PCDH7: variants seen among roughly 807,000 people sequenced by gnomAD.
PCDH7 encodes protocadherin-7.
A neutral mutation model predicts 58.9 loss-of-function variants in PCDH7; 17 were observed. The observed-to-expected ratio is 0.29, with a 90% CI of 0.20 to 0.43. The LOEUF (loss-of-function observed/expected upper bound fraction) is 0.43. Among genes scored for constraint, PCDH7 ranks in the 20% least tolerant of loss-of-function variants. The pLI is 1.00. For missense variants in PCDH7, 1,274 were observed against 1,441.0 expected (o/e 0.88, Z 1.88); for synonymous variants, 664 against 616.4 (o/e 1.08, Z -1.14).
At chr4:30,916,341 A>G (rs1006034268) in intron 1 of PCDH7, among the ~76,000 whole-genome samples, 3 of 152,058 alleles carry the variant, frequency 2.0e-5, no homozygotes, top group Admixed American at 6.6e-5. Flanking sequence ...AAATGTCTTC[A>G]TTATTGGCCT....
chr4:30,999,854 G>T (rs1752214675), intron 3 of PCDH7, among the ~76,000 whole-genome samples: 2 of 152,032 alleles, frequency 1.3e-5, no homozygotes, highest in Admixed American at 6.6e-5. Context: ...ACCTAATTTA[G>T]ATTATAATTC....
intron 1 of PCDH7, among the ~76,000 whole-genome samples, chr4:30,899,897 G>A (rs1401907625): frequency 6.6e-6 from 1 of 151,874 alleles, no homozygotes; most frequent in Non-Finnish European, 1.5e-5. Context: ...CTCAATAGTA[G>A]TCATAAAAAT....
intron 3 of PCDH7, among the ~76,000 whole-genome samples, chr4:31,123,858 G>A (rs1012256909): frequency 6.6e-6 from 1 of 151,938 alleles, no homozygotes; most frequent in Non-Finnish European, 1.5e-5. Flanking sequence ...CGGAGAGGAG[G>A]ACAAACTCCT....
intron 3 of PCDH7, among the ~76,000 whole-genome samples, chr4:31,138,450 T>C (rs905750412): frequency 2.0e-5 from 3 of 152,130 alleles, no homozygotes; most frequent in Non-Finnish European, 2.9e-5. Context: ...TGGTTATGAG[T>C]AGCAGTCATT....
chr4:30,942,913 C>T (rs61795882), intron 2 of PCDH7, among the ~76,000 whole-genome samples: 3 of 142,190 alleles, frequency 2.1e-5, no homozygotes, highest in African/African-American at 5.2e-5. Context: ...TTTTTTTTTC[C>T]TGACTATGCT....
intron 1 of PCDH7, among the ~76,000 whole-genome samples, chr4:30,754,189 T>TG (rs33962437): frequency 0.021 from 3,036 of 146,898 alleles, 73 homozygotes; most frequent in African/African-American, 0.065. Flanking sequence ...TGTGTGTGTG[T>TG]TTTTTCTGGA....
At chr4:30,837,902 T>C (rs961083982) in intron 1 of PCDH7, among the ~76,000 whole-genome samples, 5 of 27,642 alleles carry the variant, frequency 1.8e-4, no homozygotes, top group Non-Finnish European at 3.2e-4. Context: ...GTATATTTTA[T>C]ATATATATAT....
At chr4:30,956,034 CAAACAAAAAAAAA>C (rs1241220618) in intron 3 of PCDH7, among the ~76,000 whole-genome samples, 1 of 136,484 alleles carries the variant, frequency 7.3e-6, no homozygotes, top group African/African-American at 2.8e-5. Flanking sequence ...AATACAAAAA[CAAACAAAAAAAAA>C]AAGCAAAAAA....
At chr4:31,064,727 C>T (rs951754483) in intron 3 of PCDH7, among the ~76,000 whole-genome samples, 1 of 151,896 alleles carries the variant, frequency 6.6e-6, no homozygotes, top group African/African-American at 2.4e-5. Flanking sequence ...CACCATCCTC[C>T]AGTATGACCT....
intron 3 of PCDH7, among the ~76,000 whole-genome samples, chr4:31,067,020 C>A (rs1758145959): frequency 6.6e-6 from 1 of 151,958 alleles, no homozygotes; most frequent in Non-Finnish European, 1.5e-5. Flanking sequence ...CAAGGACTGG[C>A]ATGAGGAATA....
intron 1 of PCDH7, among the ~76,000 whole-genome samples, chr4:30,752,242 C>G (rs1036159197): frequency 6.6e-6 from 1 of 152,146 alleles, no homozygotes; most frequent in Non-Finnish European, 1.5e-5. Flanking sequence ...AAGCGATTCT[C>G]CTGCCTCAGC....
At chr4:30,933,948 C>G (rs2109429103) in intron 2 of PCDH7, among the ~76,000 whole-genome samples, 1 of 152,318 alleles carries the variant, frequency 6.6e-6, no homozygotes, top group South Asian at 2.1e-4. Flanking sequence ...CATACATAAT[C>G]TTTCAATAGG....
At chr4:31,087,177 C>G (rs889685304) in intron 3 of PCDH7, among the ~76,000 whole-genome samples, 2 of 152,002 alleles carry the variant, frequency 1.3e-5, no homozygotes, top group Non-Finnish European at 2.9e-5. Context: ...AGGTAGTCAC[C>G]CTGTTCGAAT....
rs181972354 is a variant in PCDH7, at chr4:30,810,407, T to G, written c.70+85811T>G. 3.4e-3 allele frequency among the ~76,000 whole-genome samples: 505 copies of G among 146,802 alleles called. 3 individuals are homozygous for G. Among genetic ancestry groups the G allele is most frequent in the Middle Eastern group, 0.018 (5 of 278 alleles). ...GCTAATAACTAATTGGATCTGCACT[T>G]AATATAATACATTTCATTTTTTAGC... On this transcript the variant is annotated intron_variant, in intron 1 of 3. Coordinates refer to the PCDH7 transcript ENST00000509759.
intron 3 of PCDH7, among the ~76,000 whole-genome samples, chr4:30,996,671 G>C (rs13139328): frequency 6.6e-6 from 1 of 151,804 alleles, no homozygotes; most frequent in Non-Finnish European, 1.5e-5. Context: ...GGGGAAACTT[G>C]GTTTTATTTT....
At chr4:30,779,513 A>C (rs1251145602) in intron 1 of PCDH7, among the ~76,000 whole-genome samples, 1 of 152,216 alleles carries the variant, frequency 6.6e-6, no homozygotes, top group African/African-American at 2.4e-5. Context: ...TGAAGCTGGT[A>C]AACCACAAAT....
chr4:30,840,415 T>A (rs1257345368), intron 1 of PCDH7, among the ~76,000 whole-genome samples: 9 of 152,182 alleles, frequency 5.9e-5, no homozygotes, highest in Admixed American at 3.3e-4. Flanking sequence ...TTTATGTGGT[T>A]TGTGGGATTT....
chr4:31,058,849 G>T (rs1757462960), intron 3 of PCDH7, among the ~76,000 whole-genome samples: 1 of 151,894 alleles, frequency 6.6e-6, no homozygotes, highest in African/African-American at 2.4e-5. Flanking sequence ...AGAATGAATA[G>T]AGCCAAATAG....
chr4:31,023,175 G>T (rs1035906058), intron 3 of PCDH7, among the ~76,000 whole-genome samples: 3 of 152,148 alleles, frequency 2.0e-5, no homozygotes, highest in African/African-American at 7.2e-5. Context: ...GCATTTAATT[G>T]GCAAAGCATA....
Sources: gnomAD v4.1 joint callset for allele counts (sites outside exome capture counted in the v4.1 genomes callset) on GRCh38, gnomAD v4.1.1 for gene constraint, MANE v1.5 for transcripts, NCBI Gene and HGNC (gene_info 2026-07-23, HGNC 2026-07-21) for gene names.